The following ENOX1 variants were observed in gnomAD, a reference collection of about 807,000 sequenced individuals.
ENOX1 encodes ecto-NOX disulfide-thiol exchanger 1.
Under a neutral mutation model 82.5 loss-of-function variants are expected in ENOX1, and 42 were observed. The ratio of observed to expected loss-of-function variants is 0.51; its 90% CI spans 0.40 to 0.66. The LOEUF is 0.66. Among genes scored for constraint, ENOX1 ranks in the 30% least tolerant of loss-of-function variants. The pLI, the probability that ENOX1 is intolerant of heterozygous loss-of-function variation, is 0.00. For missense variants in ENOX1, 608 were observed against 811.6 expected, an observed-to-expected ratio of 0.75 and a Z score of 3.05; for synonymous variants, 271 against 282.2, an observed-to-expected ratio of 0.96 and a Z score of 0.40.
chr13:43,720,356 G>A (rs189459434), intron 1 of ENOX1, among the ~76,000 whole-genome samples: 2 of 152,234 alleles, frequency 1.3e-5, no homozygotes, highest in African/African-American at 2.4e-5. Context: ...TCCTTCATAC[G>A]GAAGCCCGTT....
At chr13:43,617,839 A>G (rs1452931055) in intron 2 of ENOX1, among the ~76,000 whole-genome samples, 1 of 152,186 alleles carries the variant, frequency 6.6e-6, no homozygotes, top group Non-Finnish European at 1.5e-5. Flanking sequence ...ACATTCCCAC[A>G]AGAAGTGTAG....
intron 1 of ENOX1, among the ~76,000 whole-genome samples, chr13:43,708,679 T>C (rs981527883): frequency 6.6e-6 from 1 of 152,150 alleles, no homozygotes; most frequent in Non-Finnish European, 1.5e-5. Context: ...TTTCAACAAA[T>C]GATGCTGAAA....
chr13:43,654,944 C>T (rs1459215079), intron 2 of ENOX1, among the ~76,000 whole-genome samples: 1 of 152,178 alleles, frequency 6.6e-6, no homozygotes, highest in African/African-American at 2.4e-5. Context: ...AATGCCACTC[C>T]AACCACTCTG....
In ENOX1 at chr13:43,275,758, T is replaced by TA. The variant is rs537319136; in HGVS notation, c.1447-6182dup. ...GTACTGGGCTGGGCAATGTGAAAGA[T>TA]ACAGAGGAAACAACAGTAAATAGCC... On this transcript the variant is annotated intron_variant, in intron 12 of 16. Transcript: ENST00000690772. 9.9e-4 allele frequency among the ~76,000 whole-genome samples: 151 copies of TA among 152,304 alleles called. 1 individual carries two copies. Among genetic ancestry groups the TA allele is most frequent in the African/African-American group, 3.5e-3 (146 of 41,562 alleles).
chr13:43,707,732 A>C (rs2087397958), intron 1 of ENOX1, among the ~76,000 whole-genome samples: 1 of 88,644 alleles, frequency 1.1e-5, no homozygotes, highest in Non-Finnish European at 2.3e-5. Context: ...ACTCTGTCTC[A>C]AAAAAAAAAA....
At chr13:43,323,026 T>C (rs769151485) in intron 10 of ENOX1, among the ~76,000 whole-genome samples, 1 of 152,204 alleles carries the variant, frequency 6.6e-6, no homozygotes, top group South Asian at 2.1e-4. Context: ...TTAATGAATG[T>C]ACAGTACTTA....
Position 43,265,434 on chromosome 13 carries a change from C to T in ENOX1, c.1575G>A (p.Leu525=), listed in dbSNP as rs1295506299. The change falls in exon 14 of 17, where the codon TTG becomes TTA. Residue 525 remains leucine, a synonymous_variant. Transcript: ENST00000690772. ...LQEQLKGTKE[L]VETNGHSHED... is the part of the protein sequence containing the mutation. The stretch of plus-strand genomic sequence containing the variant: ...CATGGCTGTGGCCATTGGTCTCGAC[C>T]AATTCCTTGGTACCTTTTAACTGCA... 16 of 1,612,018 alleles carry T rather than the reference C, an allele frequency of 9.9e-6. No individual in the cohort carries two copies. Among genetic ancestry groups the T allele is most frequent in the Non-Finnish European group, 1.4e-5 (16 of 1,179,012 alleles).
chr13:43,656,681 C>A (rs183781527), intron 2 of ENOX1, among the ~76,000 whole-genome samples: 2 of 152,280 alleles, frequency 1.3e-5, no homozygotes, highest in East Asian at 3.9e-4. Context: ...AGCTGTGCAG[C>A]AAATTAAAGC....
chr13:43,533,154 GGTGAGAAAT>G (rs1219643764), intron 2 of ENOX1, among the ~76,000 whole-genome samples: 3 of 152,040 alleles, frequency 2.0e-5, no homozygotes. Context: ...TAAAGGGCCT[GGTGAGAAAT>G]GTGCACCCGG....
At chr13:43,785,598 G>A (rs550358966) in intron 1 of ENOX1, among the ~76,000 whole-genome samples, 1 of 152,270 alleles carries the variant, frequency 6.6e-6, no homozygotes, top group East Asian at 1.9e-4. Flanking sequence ...GATTGAGGGA[G>A]AGAAAAGGAG....
At chr13:43,548,678 G>T (rs1342964120) in intron 2 of ENOX1, among the ~76,000 whole-genome samples, 1 of 152,122 alleles carries the variant, frequency 6.6e-6, no homozygotes, top group Admixed American at 6.5e-5. Context: ...TATTCCTGTG[G>T]TCTGAATGGC....
At chr13:43,449,597 G>GTAACTTTCATAA (rs2056847414) in intron 3 of ENOX1, among the ~76,000 whole-genome samples, 1 of 151,836 alleles carries the variant, frequency 6.6e-6, no homozygotes. Context: ...ACTTTCATAA[G>GTAACTTTCATAA]GCAAAAGTTC....
chr13:43,478,806 T>C (rs1426992998), intron 3 of ENOX1, among the ~76,000 whole-genome samples: 2 of 152,184 alleles, frequency 1.3e-5, no homozygotes, highest in Non-Finnish European at 1.5e-5. Flanking sequence ...CATTTTATTA[T>C]TAAGTAACCT....
chr13:43,582,246 A>T (rs898229847), intron 2 of ENOX1, among the ~76,000 whole-genome samples: 22 of 146,020 alleles, frequency 1.5e-4, no homozygotes, highest in East Asian at 5.8e-4. Flanking sequence ...AATAACTTTT[A>T]AAAAAAATCC....
At chr13:43,324,883 T>G (rs1462199855) in intron 10 of ENOX1, among the ~76,000 whole-genome samples, 4 of 152,188 alleles carry the variant, frequency 2.6e-5, no homozygotes, top group African/African-American at 7.2e-5. Context: ...TATGTGACAT[T>G]TGCTGACACT....
intron 3 of ENOX1, among the ~76,000 whole-genome samples, chr13:43,471,801 C>T (rs1262072925): frequency 8.6e-6 from 1 of 115,608 alleles, no homozygotes; most frequent in Non-Finnish European, 1.8e-5. Flanking sequence ...CAGAGCGAGA[C>T]TCCGTCTCAA....
intron 3 of ENOX1, among the ~76,000 whole-genome samples, chr13:43,430,384 C>A (rs1318043917): frequency 2.0e-5 from 3 of 152,222 alleles, no homozygotes; most frequent in African/African-American, 7.2e-5. Context: ...TATTGACCTA[C>A]ATATACTGAA....
chr13:43,366,669 A>G (rs1421492955), intron 5 of ENOX1, among the ~76,000 whole-genome samples: 1 of 152,212 alleles, frequency 6.6e-6, no homozygotes, highest in African/African-American at 2.4e-5. Context: ...CTTCATGGTC[A>G]TCCAAGAAGA....
At chr13:43,656,450 C>G (rs1342975427) in intron 2 of ENOX1, among the ~76,000 whole-genome samples, 2 of 152,164 alleles carry the variant, frequency 1.3e-5, no homozygotes, top group Non-Finnish European at 2.9e-5. Context: ...AGTGGTTTAA[C>G]ATCATCAAGA....
Sources: allele counts gnomAD v4.1 joint callset (sites outside exome capture counted in the v4.1 genomes callset), GRCh38; gene constraint gnomAD v4.1.1; transcripts MANE v1.5; gene names NCBI Gene and HGNC (gene_info 2026-07-23, HGNC 2026-07-21).